Variants in ZBTB46 observed in about 807,000 individuals in gnomAD.
ZBTB46 encodes the protein zinc finger and BTB domain-containing protein 46.
ZBTB46 carries 8 observed loss-of-function variants against 44.1 expected under a neutral mutation model. That is an observed-to-expected ratio of 0.18 (90% CI 0.11 to 0.33). ZBTB46 has a LOEUF of 0.33. ZBTB46 is among the 10% of genes least tolerant of loss of function. ZBTB46 has a pLI of 1.00. For synonymous variants in ZBTB46, 409 were observed against 382.3 expected, an observed-to-expected ratio of 1.07 and a Z score of -0.81; for missense variants, 651 against 847.7, an observed-to-expected ratio of 0.77 and a Z score of 2.88.
At chr20:63,826,056 A>G (rs1199548021) in intron 1 of ZBTB46, among the ~76,000 whole-genome samples, 1 of 152,216 alleles carries the variant, frequency 6.6e-6, no homozygotes, top group African/African-American at 2.4e-5. Context: ...GCCCCTCTCC[A>G]CATCTCCACA....
rs746829274 is a variant in ZBTB46, at chr20:63,789,999, G to A, written c.759C>T (p.Asn253=). The stretch of plus-strand genomic sequence containing the variant: ...CACCAGCACTCTGCTCTGAGAAAGA[G>A]TTCTGTACTGCACCGTCCTTGGCAG... The part of the protein sequence containing the change: ...LPSAKDGAVQ[N]SFSEQSAGDA... Residue 253 remains asparagine, a synonymous_variant, in exon 2 of 5, where the codon AAC becomes AAT. Coordinates refer to ENST00000245663, the MANE Select transcript of ZBTB46 (RefSeq NM_001369741.1). 1.2e-6 allele frequency: 2 copies of A among 1,614,132 alleles called. No individual in the cohort carries two copies. Among genetic ancestry groups the A allele is most frequent in the South Asian group, 2.2e-5 (2 of 91,084 alleles).
intron 3 of ZBTB46, among the ~76,000 whole-genome samples, chr20:63,764,572 G>A (rs2092302714): frequency 6.6e-6 from 1 of 151,614 alleles, no homozygotes; most frequent in Non-Finnish European, 1.5e-5. Context: ...AGCCATCACT[G>A]TTGTTCTTCT....
chr20:63,826,806 T>G (rs1205252311), intron 1 of ZBTB46, among the ~76,000 whole-genome samples: 1 of 152,200 alleles, frequency 6.6e-6, no homozygotes, highest in African/African-American at 2.4e-5. Context: ...CTGAACCAAG[T>G]CTTCAGAAGG....
rs1321692589 is a variant in ZBTB46 at position 63,752,242 on chromosome 20, ATCCAC to A, written c.1398+439_1398+443del. Among the ~76,000 whole-genome samples the A allele has an allele frequency of 2.0e-5, 3 of 151,936 alleles. No individual in the cohort carries two copies. The East Asian group carries it at 5.8e-4, about 29-fold the overall frequency. ...TATTATTTCCTCCCCAAGCAAATCC[ATCCAC>A]TCCACACCTGCTACCTGACAACGAC... On this transcript the variant is annotated intron_variant, in intron 4 of 4. Transcript: ENST00000245663. The surrounding 1 kb of genome is among the most constrained non-coding windows in gnomAD (Gnocchi z 5.6).
At position 63,765,949 on chromosome 20, in the gene ZBTB46, C is replaced by A. The variant is rs556252446; in HGVS notation, c.1222+9729G>T. 5.3e-5 allele frequency among the ~76,000 whole-genome samples: 8 copies of A among 152,284 alleles called. No homozygotes were observed. In the South Asian group the frequency reaches 1.5e-3, roughly 28 times the overall value. ...TTCAGCAAAATGGTACGGAGAGAAT[C>A]TCTACAACCAGGCCTCCTTATCAAC... On this transcript the variant is annotated intron_variant, in intron 3 of 4. Coordinates refer to ENST00000245663, the MANE Select transcript of ZBTB46 (RefSeq NM_001369741.1).
intron 2 of ZBTB46, among the ~76,000 whole-genome samples, chr20:63,776,271 T>C (rs898636718): frequency 6.6e-6 from 1 of 152,240 alleles, no homozygotes; most frequent in Non-Finnish European, 1.5e-5. Context: ...GTACCTGCTC[T>C]GCTCCAGGGC....
chr20:63,808,924 C>A (rs1601518513), intron 1 of ZBTB46, among the ~76,000 whole-genome samples: 1 of 141,308 alleles, frequency 7.1e-6, no homozygotes. Flanking sequence ...TTGCGGTGAG[C>A]CGAGATGGCG....
chr20:63,831,392 CGG>C, upstream of ZBTB46: 2 of 142,434 alleles, frequency 1.4e-5, no homozygotes, highest in Non-Finnish European at 3.1e-5. Context: ...GCCCCGGCCG[CGG>C]CCACCGCCCC....
chr20:63,782,096 A>AG (rs1555845696), intron 2 of ZBTB46, among the ~76,000 whole-genome samples: 1 of 124,924 alleles, frequency 8.0e-6, no homozygotes, highest in Non-Finnish European at 1.7e-5. Context: ...CAAAAAAAAA[A>AG]AAAAGAAAAG....
At chr20:63,820,163 G>A (rs2092783161) in intron 1 of ZBTB46, among the ~76,000 whole-genome samples, 2 of 151,694 alleles carry the variant, frequency 1.3e-5, no homozygotes, top group Admixed American at 6.6e-5. Context: ...GCACGATTTC[G>A]GCTCACTGCA....
At chr20:63,761,015 T>C (rs2092270104) in intron 3 of ZBTB46, among the ~76,000 whole-genome samples, 1 of 122,230 alleles carries the variant, frequency 8.2e-6, no homozygotes. Flanking sequence ...TTTTTTTTTT[T>C]TCAGATGGAG....
chr20:63,800,533 G>A lies in ZBTB46; in HGVS notation c.-33-9743C>T, dbSNP rs62219893. Among the ~76,000 whole-genome samples, 21 of 152,276 alleles carry A rather than the reference G, an allele frequency of 1.4e-4. No individual in the cohort carries two copies. In the South Asian group the frequency reaches 2.3e-3, roughly 17 times the overall value. Reference sequence around the variant, plus strand: ...TCCTGGGATGGCCAAGGCCGGAGCCGGCTCCCTCAGCTTGCGGGGAGGTGT... The same window carrying A: ...TCCTGGGATGGCCAAGGCCGGAGCCAGCTCCCTCAGCTTGCGGGGAGGTGT... On this transcript the variant is annotated intron_variant, in intron 1 of 4. Coordinates refer to ENST00000245663, the MANE Select transcript of ZBTB46 (RefSeq NM_001369741.1).
intron 3 of ZBTB46, among the ~76,000 whole-genome samples, chr20:63,766,077 T>G (rs1226824207): frequency 6.6e-6 from 1 of 152,018 alleles, no homozygotes; most frequent in Non-Finnish European, 1.5e-5. Context: ...TCAACAGCAC[T>G]AGGGTGTGCC....
At position 63,803,547 on chromosome 20, in the gene ZBTB46, C is replaced by CGGCCCCGGGCTGCCCA. The variant is rs1264034446; in HGVS notation, c.-33-12773_-33-12758dup. On this transcript the variant is annotated intron_variant, in intron 1 of 4. Coordinates refer to ENST00000245663, the MANE Select transcript of ZBTB46 (RefSeq NM_001369741.1). The surrounding 1 kb of genome is among the most constrained non-coding windows in gnomAD (Gnocchi z 4.0). Reference sequence around the variant, plus strand: ...TCTGAAGATGCAAAGCCATGTCTGCCGGCCCCGGGCTGCCCAGGCCCCGGG... The same window carrying CGGCCCCGGGCTGCCCA: ...TCTGAAGATGCAAAGCCATGTCTGCCGGCCCCGGGCTGCCCAGGCCCCGGGCTGCCCAGGCCCCGGG... The CGGCCCCGGGCTGCCCA allele has an allele frequency of 1.3e-4, 127 of 979,352 alleles. No individual in the cohort carries two copies. Among genetic ancestry groups the CGGCCCCGGGCTGCCCA allele is most frequent in the East Asian group, 3.4e-4 (3 of 8,718 alleles). The allele number at this position is 979,352 out of a possible 1,614,324, so 60.7% of individuals were successfully genotyped here. A position where few individuals can be genotyped will look rare whatever the true frequency, so the allele number is the denominator to read the frequency against.
At chr20:63,758,572 C>T (rs186919123) in intron 3 of ZBTB46, among the ~76,000 whole-genome samples, 7 of 152,172 alleles carry the variant, frequency 4.6e-5, no homozygotes, top group African/African-American at 7.2e-5. Context: ...ACACAAATCC[C>T]CAGGTGCCCT....
chr20:63,811,486 C>A (rs1419660002), intron 1 of ZBTB46, among the ~76,000 whole-genome samples: 1 of 152,204 alleles, frequency 6.6e-6, no homozygotes, highest in Non-Finnish European at 1.5e-5. Flanking sequence ...ACGACTGTCA[C>A]CTCCTCTGAA....
At chr20:63,762,545 T>C (rs2092285946) in intron 3 of ZBTB46, among the ~76,000 whole-genome samples, 1 of 152,050 alleles carries the variant, frequency 6.6e-6, no homozygotes, top group Non-Finnish European at 1.5e-5. Context: ...TGCCAGCTAC[T>C]TGGGAGGCTG....
chr20:63,796,250 T>G (rs923443881), intron 1 of ZBTB46, among the ~76,000 whole-genome samples: 1 of 152,230 alleles, frequency 6.6e-6, no homozygotes, highest in East Asian at 1.9e-4. Context: ...GTAGTGTGTC[T>G]GCCGCATCCA....
intron 2 of ZBTB46, among the ~76,000 whole-genome samples, chr20:63,783,330 G>A (rs2092486016): frequency 6.6e-6 from 1 of 152,214 alleles, no homozygotes; most frequent in Non-Finnish European, 1.5e-5. Context: ...TCGGGAGGCT[G>A]AGGCAGGAGA....
Sources: allele counts gnomAD v4.1 joint callset (sites outside exome capture counted in the v4.1 genomes callset), GRCh38; gene constraint gnomAD v4.1.1; non-coding constraint Gnocchi (gnomAD v3.1); transcripts MANE v1.5; gene names NCBI Gene and HGNC (gene_info 2026-07-23, HGNC 2026-07-21).